Variants in RNF128 observed in about 807,000 individuals in gnomAD.
RNF128 encodes ring finger protein 128.
Under a neutral mutation model 26.2 loss-of-function variants are expected in RNF128, and 13 were observed. The ratio of observed to expected loss-of-function variants is 0.50; its 90% CI spans 0.32 to 0.79. The LOEUF (loss-of-function observed/expected upper bound fraction) is 0.79. Among genes scored for constraint, RNF128 ranks in the 30% least tolerant of loss-of-function variants. RNF128 has a pLI of 0.03. For synonymous variants in RNF128, 149 were observed against 142.5 expected, an observed-to-expected ratio of 1.05 and a Z score of -0.32; for missense variants, 315 against 349.7, an observed-to-expected ratio of 0.90 and a Z score of 0.79.
chrX:106,707,453 A>G (rs372147233), intron 1 of RNF128, among the ~76,000 whole-genome samples: 58 of 112,064 alleles, frequency 5.2e-4, no homozygotes, highest in African/African-American at 1.8e-3. Context: ...TCAATTACCA[A>G]TCAGTGGTAT....
intron 1 of RNF128, among the ~76,000 whole-genome samples, chrX:106,707,536 A>T (rs999779347): frequency 3.6e-5 from 4 of 111,111 alleles, no homozygotes; most frequent in African/African-American, 1.3e-4. Flanking sequence ...TTATAAATAA[A>T]TTATTTTTTA....
At chrX:106,716,740 C>T (rs1301213733) in intron 1 of RNF128, among the ~76,000 whole-genome samples, 3 of 110,571 alleles carry the variant, frequency 2.7e-5, no homozygotes, top group African/African-American at 6.6e-5. Context: ...GATACATGGT[C>T]CCTTCTCTCA....
chrX:106,727,846 G>A (rs1206453178), intron 1 of RNF128, among the ~76,000 whole-genome samples: 2 of 110,274 alleles, frequency 1.8e-5, no homozygotes, highest in African/African-American at 6.6e-5. Context: ...ATGTTTCCTG[G>A]GTATCAAATA....
intron 1 of RNF128, among the ~76,000 whole-genome samples, chrX:106,721,400 C>T (rs1929308820): frequency 8.9e-6 from 1 of 112,056 alleles, no homozygotes; most frequent in African/African-American, 3.2e-5. Flanking sequence ...CACTATCATC[C>T]ATCTCAACAT....
chrX:106,720,898 A>C (rs1252432083), intron 1 of RNF128, among the ~76,000 whole-genome samples: 1 of 111,713 alleles, frequency 9.0e-6, no homozygotes, highest in Non-Finnish European at 1.9e-5. Context: ...TAGTTATTAA[A>C]GTTATGGATA....
chrX:106,713,389 C>G (rs1213690799), intron 1 of RNF128, among the ~76,000 whole-genome samples: 2 of 110,371 alleles, frequency 1.8e-5, no homozygotes, highest in African/African-American at 3.3e-5. Context: ...AGCCTGTAGT[C>G]CCAGCTACTC....
chrX:106,694,388 C>T (rs1224575500), exon 1 of RNF128: 9 of 1,186,527 alleles, frequency 7.6e-6, no homozygotes, highest in South Asian at 5.8e-5. Flanking sequence ...GGCAATCAGA[C>T]GATACAGATG....
At chrX:106,740,256 T>G (rs1929679562) in intron 1 of RNF128, among the ~76,000 whole-genome samples, 1 of 111,310 alleles carries the variant, frequency 9.0e-6, no homozygotes, top group Non-Finnish European at 1.9e-5. Flanking sequence ...TTTTGCCTAA[T>G]AATATTTTAG....
intron 6 of RNF128, 40 bp from the exon 7 acceptor site, chrX:106,795,539 GA>G (rs781290648): frequency 3.2e-5 from 37 of 1,153,158 alleles, no homozygotes; most frequent in Middle Eastern, 2.4e-4. Context: ...TAAAAGAGGA[GA>G]GGGGCAAAAT....
chrX:106,740,246 T>C (rs1176270268), intron 1 of RNF128, among the ~76,000 whole-genome samples: 1 of 111,485 alleles, frequency 9.0e-6, no homozygotes. Flanking sequence ...TGTTTGTTTG[T>C]TTTGCCTAAT....
At chrX:106,727,517 G>C (rs1169124230) in intron 1 of RNF128, 120 bp downstream of exon 1, 2 of 948,930 alleles carry the variant, frequency 2.1e-6, no homozygotes, top group Admixed American at 6.1e-5. Context: ...TGCTCTTTCT[G>C]TCCCCACGGA....
chrX:106,756,368 G>T (rs1428458484), intron 1 of RNF128, among the ~76,000 whole-genome samples: 1 of 110,303 alleles, frequency 9.1e-6, no homozygotes, highest in Non-Finnish European at 1.9e-5. Flanking sequence ...AAAACAGCAT[G>T]GTACTGGTAC....
At chrX:106,701,758 T>C (rs1231587688) in intron 1 of RNF128, among the ~76,000 whole-genome samples, 1 of 111,334 alleles carries the variant, frequency 9.0e-6, no homozygotes, top group African/African-American at 3.3e-5. Context: ...AAATTATTTA[T>C]TAAAAACAAG....
At chrX:106,707,230 A>G (rs1929057253) in intron 1 of RNF128, among the ~76,000 whole-genome samples, 1 of 111,810 alleles carries the variant, frequency 8.9e-6, no homozygotes, top group Admixed American at 9.5e-5. Flanking sequence ...GTGGTCATTC[A>G]CTTACTACTT....
At chrX:106,694,201 G>A (rs774287570) in exon 1 of RNF128, 1 of 1,208,965 alleles carries the variant, frequency 8.3e-7, no homozygotes, top group African/African-American at 1.7e-5. Context: ...TATGGGAGTG[G>A]TAGGCATCCC....
chrX:106,744,079 G>A (rs773294806), intron 1 of RNF128, among the ~76,000 whole-genome samples: 3 of 104,407 alleles, frequency 2.9e-5, no homozygotes, highest in Admixed American at 2.1e-4. Context: ...CAGGAAGGGG[G>A]ACATCACACA....
chrX:106,793,854 A>T (rs1480780284), intron 6 of RNF128, among the ~76,000 whole-genome samples: 2 of 111,156 alleles, frequency 1.8e-5, no homozygotes, highest in Non-Finnish European at 1.9e-5. Flanking sequence ...CTTATTAGTG[A>T]TGATTCAAAC....
chrX:106,722,244 A>C (rs939491367), upstream of RNF128, among the ~76,000 whole-genome samples: 2 of 111,403 alleles, frequency 1.8e-5, no homozygotes, highest in Admixed American at 1.9e-4. Flanking sequence ...ATGCTTGGTG[A>C]GGTAGTGAGC....
intron 1 of RNF128, among the ~76,000 whole-genome samples, chrX:106,768,561 A>G (rs1426616316): frequency 1.8e-5 from 2 of 111,515 alleles, no homozygotes; most frequent in Non-Finnish European, 3.8e-5. Flanking sequence ...TGGTGGTGAT[A>G]TCCCCTTTAT....
Sources: gnomAD v4.1 joint callset for allele counts (sites outside exome capture counted in the v4.1 genomes callset) on GRCh38, gnomAD v4.1.1 for gene constraint, MANE v1.5 for transcripts, NCBI Gene and HGNC (gene_info 2026-07-23, HGNC 2026-07-21) for gene names.